The following ERG variants were observed in gnomAD, a reference collection of about 807,000 sequenced individuals.
ERG encodes ETS transcription factor ERG.
In ERG, 9 loss-of-function variants were observed where a neutral mutation model predicts 55.3. That is an observed-to-expected ratio of 0.16 (90% CI 0.10 to 0.28). ERG has a LOEUF of 0.28. Ranked by LOEUF, ERG falls within the 10% of genes least tolerant of loss-of-function variation. The pLI is 1.00. For synonymous variants in ERG, 223 were observed against 237.3 expected, an observed-to-expected ratio of 0.94 and a Z score of 0.55; for missense variants, 434 against 631.6, an observed-to-expected ratio of 0.69 and a Z score of 3.35.
At chr21:38,539,093 A>G (rs1017602178) in intron 2 of ERG, among the ~76,000 whole-genome samples, 1 of 152,210 alleles carries the variant, frequency 6.6e-6, no homozygotes, top group African/African-American at 2.4e-5. Flanking sequence ...AGCTGAAGGC[A>G]CTTTAACGAT....
intron 5 of ERG, among the ~76,000 whole-genome samples, chr21:38,401,864 G>T (rs1172919829): frequency 6.6e-6 from 1 of 152,182 alleles, no homozygotes; most frequent in Non-Finnish European, 1.5e-5. Flanking sequence ...CCAGGATGAG[G>T]CACGGTGTTA....
In ERG at chr21:38,547,459, C is replaced by T. The variant is rs953722052; in HGVS notation, c.-41+28203G>A. 3.3e-5 allele frequency among the ~76,000 whole-genome samples: 5 copies of T among 152,200 alleles called. No homozygotes were observed. The East Asian group carries it at 5.8e-4, about 18-fold the overall frequency. On this transcript the variant is annotated intron_variant, in intron 2 of 8. Coordinates refer to the ERG transcript ENST00000398897. ...CTTATTCTCACAAGACAAGAGGGAA[C>T]GCTGCCTCTAAGGAGTCTCTCTGGG...
intron 4 of ERG, 22 bp downstream of exon 4, chr21:38,403,484 C>T (rs772867980): frequency 1.2e-5 from 19 of 1,612,120 alleles, no homozygotes; most frequent in South Asian, 2.2e-5. Flanking sequence ...GCCATCTATC[C>T]TTGGAGGAAG....
chr21:38,559,996 A>G (rs2059883235), intron 2 of ERG, among the ~76,000 whole-genome samples: 2 of 152,150 alleles, frequency 1.3e-5, no homozygotes, highest in African/African-American at 4.8e-5. Context: ...TCTTTTCTTT[A>G]ACATTACAAT....
intron 2 of ERG, among the ~76,000 whole-genome samples, chr21:38,443,299 T>C (rs1282325903): frequency 1.3e-5 from 2 of 152,206 alleles, no homozygotes; most frequent in Non-Finnish European, 2.9e-5. Flanking sequence ...TCGGAAATCA[T>C]CTCAGTGCCC....
At chr21:38,448,205 G>A (rs941227120) in intron 1 of ERG, among the ~76,000 whole-genome samples, 2 of 152,166 alleles carry the variant, frequency 1.3e-5, no homozygotes, top group African/African-American at 4.8e-5. Flanking sequence ...TCTAAAGAAA[G>A]AAATCAAAGT....
intron 1 of ERG, among the ~76,000 whole-genome samples, chr21:38,455,127 T>C (rs2058976466): frequency 1.3e-5 from 2 of 151,766 alleles, no homozygotes; most frequent in South Asian, 4.1e-4. Flanking sequence ...TCTTTTTTTT[T>C]TTTTTTACCT....
intron 1 of ERG, among the ~76,000 whole-genome samples, chr21:38,579,794 C>T (rs2060017079): frequency 6.6e-6 from 1 of 151,570 alleles, no homozygotes; most frequent in Non-Finnish European, 1.5e-5. Flanking sequence ...CCACCCTCCC[C>T]TGCCTCCTCA....
intron 1 of ERG, among the ~76,000 whole-genome samples, chr21:38,583,774 C>G (rs998021959): frequency 6.6e-6 from 1 of 152,122 alleles, no homozygotes; most frequent in Non-Finnish European, 1.5e-5. Flanking sequence ...TATAGAAGGA[C>G]GATGGTGTGA....
At chr21:38,572,677 C>T (rs1018888141) in intron 2 of ERG, among the ~76,000 whole-genome samples, 2 of 152,204 alleles carry the variant, frequency 1.3e-5, no homozygotes, top group Non-Finnish European at 2.9e-5. Flanking sequence ...TTAGCAACCA[C>T]ACTTCTTATT....
chr21:38,553,282 C>T (rs2059836258), intron 2 of ERG, among the ~76,000 whole-genome samples: 1 of 152,110 alleles, frequency 6.6e-6, no homozygotes, highest in Non-Finnish European at 1.5e-5. Context: ...CTTATAGATT[C>T]AATGCTATTT....
rs555551437 is a variant in ERG at position 38,484,288 on chromosome 21, T to A, written c.18+14075A>T. The stretch of plus-strand genomic sequence containing the variant: ...TCGGGGTTCTATAGATTCTTAATCA[T>A]GATTAACCAGCAATATGATAATTCA... On this transcript the variant is annotated intron_variant, in intron 1 of 9. Coordinates refer to ENST00000288319, the MANE Select transcript of ERG (RefSeq NM_182918.4). 8.9e-4 allele frequency among the ~76,000 whole-genome samples: 136 copies of A among 152,256 alleles called. 6 individuals are homozygous for A. The highest frequency in any genetic ancestry group is 8.8e-3 in the Admixed American group (135 of 15,290).
intron 1 of ERG, among the ~76,000 whole-genome samples, chr21:38,454,190 GAA>G (rs2058967115): frequency 6.6e-6 from 1 of 152,098 alleles, no homozygotes; most frequent in Non-Finnish European, 1.5e-5. Flanking sequence ...GAGATAAAAA[GAA>G]GTTTTTCTTT....
intron 1 of ERG, among the ~76,000 whole-genome samples, chr21:38,453,798 C>T (rs1256933618): frequency 3.3e-5 from 5 of 150,506 alleles, no homozygotes; most frequent in Non-Finnish European, 7.4e-5. Context: ...ACAAGAGAAT[C>T]GCTTGAACCC....
At chr21:38,481,829 T>A (rs931133661) in intron 1 of ERG, among the ~76,000 whole-genome samples, 17 of 152,142 alleles carry the variant, frequency 1.1e-4, no homozygotes, top group African/African-American at 4.1e-4. Context: ...GAGGTGACTG[T>A]AGTAACAAAA....
chr21:38,637,622 G>A lies in ERG; in HGVS notation c.-150+24036C>T, dbSNP rs190245226. 5.3e-5 allele frequency among the ~76,000 whole-genome samples: 8 copies of A among 152,246 alleles called. No homozygotes were observed. The East Asian group carries it at 9.6e-4, about 18-fold the overall frequency. On this transcript the variant is annotated intron_variant, in intron 1 of 10. Coordinates refer to the ERG transcript ENST00000398910. ...AAAGAGCAACTAAAATTATGTTAAT[G>A]TTATTAATTATAATTTTAATCATCA...
rs1171080011 is a variant in ERG at position 38,423,540 on chromosome 21, A to G, written c.258T>C (p.Ser86=). ...CCACCATCTTCCCGCCTTTGGCCAC[A>G]CTGCATTCATCAGGAGAGTTCCTGG... is the stretch of plus-strand genomic sequence containing the variant. ...NGSRNSPDEC[S]VAKGGKMVGS... Residue 86 remains serine (S), a synonymous_variant, in exon 3 of 10, where the codon AGT becomes AGC. Transcript: ENST00000288319. 4 of 1,613,940 alleles carry G rather than the reference A, an allele frequency of 2.5e-6. No homozygotes were observed. Among genetic ancestry groups the G allele is most frequent in the Non-Finnish European group, 3.4e-6 (4 of 1,179,844 alleles).
At chr21:38,574,976 T>C (rs2059985926) in intron 2 of ERG, among the ~76,000 whole-genome samples, 1 of 152,184 alleles carries the variant, frequency 6.6e-6, no homozygotes. Context: ...TTCCTCCCTG[T>C]AGCTATTACC....
intron 1 of ERG, among the ~76,000 whole-genome samples, chr21:38,446,747 C>T (rs76573360): frequency 3.6e-3 from 542 of 152,132 alleles, no homozygotes; most frequent in Non-Finnish European, 6.3e-3. Context: ...GTGTGGGCTG[C>T]GCAGACCCTT....
Sources: allele counts gnomAD v4.1 joint callset (sites outside exome capture counted in the v4.1 genomes callset), GRCh38; gene constraint gnomAD v4.1.1; transcripts MANE v1.5; gene names NCBI Gene and HGNC (gene_info 2026-07-23, HGNC 2026-07-21).